ATP2C2: variants seen among roughly 807,000 people sequenced by gnomAD.
ATP2C2 encodes the protein calcium-transporting ATPase type 2C member 2.
In ATP2C2, 171 loss-of-function variants were observed where a neutral mutation model predicts 110.8. That is an observed-to-expected ratio of 1.54 (90% CI 1.36 to 1.75). The LOEUF is 1.75. ATP2C2 is among the 40% of genes most tolerant of loss of function. The pLI, the probability that ATP2C2 is intolerant of heterozygous loss-of-function variation, is 0.00. For missense variants in ATP2C2, 1,963 were observed against 1,235.0 expected, an observed-to-expected ratio of 1.59 and a Z score of -8.84; for synonymous variants, 804 against 508.4, an observed-to-expected ratio of 1.58 and a Z score of -7.82.
intron 4 of ATP2C2, among the ~76,000 whole-genome samples, chr16:84,409,994 G>C (rs937787956): frequency 6.6e-6 from 1 of 152,116 alleles, no homozygotes; most frequent in Non-Finnish European, 1.5e-5. Context: ...GGATCACGAG[G>C]TCAGGAGATC....
At chr16:84,375,636 T>C (rs1437267150) in intron 1 of ATP2C2, among the ~76,000 whole-genome samples, 1 of 152,212 alleles carries the variant, frequency 6.6e-6, no homozygotes, top group Non-Finnish European at 1.5e-5. Flanking sequence ...ATTCCACGAT[T>C]CTTTTGCCAT....
At chr16:84,401,843 AT>A (rs1172570153) in intron 2 of ATP2C2, among the ~76,000 whole-genome samples, 2 of 152,118 alleles carry the variant, frequency 1.3e-5, no homozygotes, top group African/African-American at 4.8e-5. Context: ...AAATTTTTAA[AT>A]TGTTTTTTCT....
chr16:84,434,592 A>G (rs1908578333), intron 11 of ATP2C2, among the ~76,000 whole-genome samples: 2 of 150,702 alleles, frequency 1.3e-5, no homozygotes, highest in African/African-American at 4.9e-5. Context: ...ATCTCGGCTC[A>G]CTGCAAGCTC....
intron 1 of ATP2C2, among the ~76,000 whole-genome samples, chr16:84,378,521 C>G (rs1910384199): frequency 6.6e-6 from 1 of 152,192 alleles, no homozygotes; most frequent in African/African-American, 2.4e-5. Flanking sequence ...GTTCCCCTCA[C>G]TACGCCTCCC....
chr16:84,430,639 C>CAA (rs566290549), intron 11 of ATP2C2, among the ~76,000 whole-genome samples: 38,157 of 122,200 alleles, frequency 0.31, 6,889 homozygotes, highest in Non-Finnish European at 0.39. Context: ...GACACCATCT[C>CAA]AAAAAAAAAA....
rs370541226 is a variant in ATP2C2, at chr16:84,422,345, G to A, written c.625-45G>A. Reference sequence around the variant, plus strand: ...TTTTGTGCTTTTAACACCAATTCTCGGGGTGACAGAGAGATTCCACAGCCT... The same window carrying A: ...TTTTGTGCTTTTAACACCAATTCTCAGGGTGACAGAGAGATTCCACAGCCT... On this transcript the variant is annotated intron_variant, in intron 7 of 26. Coordinates refer to ENST00000262429, the MANE Select transcript of ATP2C2 (RefSeq NM_014861.4). 8.9e-5 allele frequency: 141 copies of A among 1,587,878 alleles called. 1 individual carries two copies. In the South Asian group the frequency reaches 1.1e-3, roughly 13 times the overall value.
rs768092843 is a variant in ATP2C2 at position 84,444,751 on chromosome 16, G to A, written c.1402-1578G>A. On this transcript the variant is annotated intron_variant, in intron 15 of 26. Coordinates refer to ENST00000262429, the MANE Select transcript of ATP2C2 (RefSeq NM_014861.4). Reference sequence around the variant, plus strand: ...AGCACCCAGAAGAGATTTCCTTGATGTGTTATAATTTTCCTTTTTCCTGGG... The same window carrying A: ...AGCACCCAGAAGAGATTTCCTTGATATGTTATAATTTTCCTTTTTCCTGGG... Among the ~76,000 whole-genome samples the A allele has an allele frequency of 7.3e-4, 111 of 152,136 alleles. 1 individual carries two copies. The highest frequency in any genetic ancestry group is 8.5e-4 in the Admixed American group (13 of 15,264).
At chr16:84,448,971 A>AT (rs1390732944) in intron 17 of ATP2C2, among the ~76,000 whole-genome samples, 3 of 152,130 alleles carry the variant, frequency 2.0e-5, no homozygotes, top group South Asian at 2.1e-4. Flanking sequence ...CCAAACATTG[A>AT]TTTTCCCAAT....
At chr16:84,389,298 G>A (rs1252433805) in intron 1 of ATP2C2, among the ~76,000 whole-genome samples, 1 of 151,548 alleles carries the variant, frequency 6.6e-6, no homozygotes, top group Non-Finnish European at 1.5e-5. Flanking sequence ...CAATTCCTGG[G>A]TGCCTTTCTA....
At chr16:84,412,443 T>C (rs1331987670) in intron 6 of ATP2C2, among the ~76,000 whole-genome samples, 1 of 145,594 alleles carries the variant, frequency 6.9e-6, no homozygotes, top group Non-Finnish European at 1.5e-5. Flanking sequence ...TGTGTATGCA[T>C]GTGTGTGTCT....
intron 11 of ATP2C2, among the ~76,000 whole-genome samples, chr16:84,429,336 A>C (rs899304673): frequency 6.6e-6 from 1 of 152,110 alleles, no homozygotes; most frequent in South Asian, 2.1e-4. Context: ...AATTTTAAGT[A>C]GAGATGGGAT....
intron 1 of ATP2C2, among the ~76,000 whole-genome samples, chr16:84,371,022 TACAAA>T (rs1307071115): frequency 3.9e-5 from 6 of 152,148 alleles, no homozygotes; most frequent in Non-Finnish European, 5.9e-5. Flanking sequence ...TACAGATGTG[TACAAA>T]ACAAAGTTCA....
chr16:84,398,565 G>T lies in ATP2C2; in HGVS notation c.166G>T (p.Glu56Ter). The change falls in exon 2 of 27, where the codon GAA becomes TAA. Residue 56 changes from glutamate to a stop codon, truncating the protein, a stop_gained. Coordinates refer to ENST00000262429, the MANE Select transcript of ATP2C2 (RefSeq NM_014861.4). LOFTEE classifies it high-confidence loss of function. ...GAAGGTGACAGCCCTGCCCCCCAAG[G>T]AAGCGTGCAAATGCCAGAAAGAGGA... ...EKKVTALPPK[E>*]ACKCQKEDLA... The T allele has an allele frequency of 2.5e-6, 4 of 1,613,428 alleles. No individual in the cohort carries two copies. The highest frequency in any genetic ancestry group is 2.5e-6 in the Non-Finnish European group (3 of 1,179,750).
At chr16:84,399,267 T>C (rs1433280380) in intron 2 of ATP2C2, among the ~76,000 whole-genome samples, 1 of 152,242 alleles carries the variant, frequency 6.6e-6, no homozygotes, top group Non-Finnish European at 1.5e-5. Flanking sequence ...GTGTCTTTTC[T>C]TGAGAATAAC....
intron 1 of ATP2C2, among the ~76,000 whole-genome samples, chr16:84,373,253 A>G (rs1910061421): frequency 6.6e-6 from 1 of 152,246 alleles, no homozygotes; most frequent in Non-Finnish European, 1.5e-5. Context: ...TAATCCCAGC[A>G]CTTTGGAAAG....
rs887280941 is a variant in ATP2C2, at chr16:84,415,674, T to C, written c.624+83T>C. On this transcript the variant is annotated intron_variant, in intron 7 of 26. Coordinates refer to ENST00000262429, the MANE Select transcript of ATP2C2 (RefSeq NM_014861.4). ...ACACTTAGCTAATTGTAGGCATGTATAGTCTCTCTCATACACACATGCTCA... is the reference window on the plus strand; with the variant it reads ...ACACTTAGCTAATTGTAGGCATGTACAGTCTCTCTCATACACACATGCTCA... The C allele has an allele frequency of 5.3e-6, 6 of 1,133,708 alleles. No homozygotes were observed. The Admixed American group carries it at 1.1e-4, about 21-fold the overall frequency. 70.2% of individuals were successfully genotyped at this position (1,133,708 alleles called of 1,614,324 possible).
chr16:84,441,973 AAGAAAAG>A (rs1361059175), intron 14 of ATP2C2, among the ~76,000 whole-genome samples: 4 of 152,202 alleles, frequency 2.6e-5, no homozygotes, highest in African/African-American at 4.8e-5. Flanking sequence ...AATAATAAAA[AAGAAAAG>A]AAAAGAAATG....
At chr16:84,438,536 C>G (rs144068768) in intron 11 of ATP2C2, among the ~76,000 whole-genome samples, 1 of 152,208 alleles carries the variant, frequency 6.6e-6, no homozygotes, top group Admixed American at 6.5e-5. Flanking sequence ...TTGGGTCACA[C>G]GCTCTCCTCG....
At chr16:84,390,900 G>A (rs1159351108) in intron 1 of ATP2C2, among the ~76,000 whole-genome samples, 3 of 152,134 alleles carry the variant, frequency 2.0e-5, no homozygotes, top group African/African-American at 4.8e-5. Context: ...GATCACCTGA[G>A]GTCAGGAGTT....
Sources: gnomAD v4.1 joint callset for allele counts (sites outside exome capture counted in the v4.1 genomes callset) on GRCh38, gnomAD v4.1.1 for gene constraint, MANE v1.5 for transcripts, NCBI Gene and HGNC (gene_info 2026-07-23, HGNC 2026-07-21) for gene names.